Variants in MBD5 observed in about 807,000 individuals in gnomAD.
The protein encoded by MBD5 is methyl-CpG-binding domain protein 5.
Under a neutral mutation model 117.3 loss-of-function variants are expected in MBD5, and 13 were observed. The ratio of observed to expected loss-of-function variants is 0.11; its 90% CI spans 0.07 to 0.18. The LOEUF (loss-of-function observed/expected upper bound fraction) is 0.18. Ranked by LOEUF, MBD5 falls within the 10% of genes least tolerant of loss-of-function variation. MBD5 has a pLI of 1.00. For missense variants in MBD5, 1,879 were observed against 2,093.8 expected, an observed-to-expected ratio of 0.90 and a Z score of 2.00; for synonymous variants, 727 against 766.4, an observed-to-expected ratio of 0.95 and a Z score of 0.85.
At chr2:148,213,973 C>T (rs970002554) in intron 2 of MBD5, among the ~76,000 whole-genome samples, 1 of 152,134 alleles carries the variant, frequency 6.6e-6, no homozygotes, top group South Asian at 2.1e-4. Flanking sequence ...AAGTGATCAA[C>T]TGACTGAGTG....
chr2:148,408,306 G>A (rs1446454098), intron 4 of MBD5, among the ~76,000 whole-genome samples: 4 of 152,072 alleles, frequency 2.6e-5, no homozygotes, highest in African/African-American at 4.8e-5. Context: ...CGTTCCTGAA[G>A]CCTCCTAAGC....
At chr2:148,356,226 A>G (rs1703376930) in intron 4 of MBD5, among the ~76,000 whole-genome samples, 1 of 152,128 alleles carries the variant, frequency 6.6e-6, no homozygotes, top group African/African-American at 2.4e-5. Flanking sequence ...ATTCACTGAG[A>G]TGACAATTTA....
intron 3 of MBD5, among the ~76,000 whole-genome samples, chr2:148,290,198 C>G (rs1019059762): frequency 6.7e-6 from 1 of 148,206 alleles, no homozygotes; most frequent in African/African-American, 2.5e-5. Flanking sequence ...CCTCAGGTGA[C>G]CTACCTGCCT....
At chr2:148,030,952 T>C (rs768826265) in intron 1 of MBD5, among the ~76,000 whole-genome samples, 1 of 152,182 alleles carries the variant, frequency 6.6e-6, no homozygotes, top group Non-Finnish European at 1.5e-5. Flanking sequence ...TAATGTAGTT[T>C]TTAAATATTT....
rs1574498370 is a variant in MBD5 at position 148,503,093 on chromosome 2, A to G, written c.5036+584A>G. The stretch of plus-strand genomic sequence containing the variant: ...GTAGTACGGACAAGCAGATAATATT[A>G]GAAACATAGTTTTTACTGTGATACA... On this transcript the variant is annotated intron_variant, in intron 12 of 13. Coordinates refer to ENST00000642680, the MANE Select transcript of MBD5 (RefSeq NM_001378120.1). The G allele has an allele frequency of 6.9e-5, 11 of 160,134 alleles. 1 individual carries two copies. The South Asian group carries it at 1.9e-3, about 28-fold the overall frequency. The allele number at this position is 160,134 out of a possible 1,614,324, so 9.9% of individuals were successfully genotyped here.
chr2:148,117,399 G>A (rs1224321603), intron 1 of MBD5, among the ~76,000 whole-genome samples: 1 of 151,402 alleles, frequency 6.6e-6, no homozygotes, highest in Non-Finnish European at 1.5e-5. Context: ...TGGAAATTAT[G>A]TTTTCTCTAA....
chr2:148,043,485 A>AAATAAATAAATAAATG (rs1446837847), intron 1 of MBD5, among the ~76,000 whole-genome samples: 69 of 141,814 alleles, frequency 4.9e-4, no homozygotes, highest in African/African-American at 1.7e-3. Flanking sequence ...ATAAATAAAT[A>AAATAAATAAATAAATG]AAAGAATAGA....
chr2:148,376,067 CA>C (rs1703977451), intron 4 of MBD5, among the ~76,000 whole-genome samples: 2 of 150,734 alleles, frequency 1.3e-5, no homozygotes, highest in South Asian at 4.2e-4. Flanking sequence ...CAATAGCATA[CA>C]TACACATACT....
intron 4 of MBD5, among the ~76,000 whole-genome samples, chr2:148,424,879 C>A (rs57192354): frequency 0.25 from 38,244 of 152,036 alleles, 5,652 homozygotes; most frequent in African/African-American, 0.41. Context: ...GGACACATTT[C>A]AAGCAGTGTT....
intron 1 of MBD5, among the ~76,000 whole-genome samples, chr2:148,088,612 G>C (rs1407125301): frequency 6.6e-6 from 1 of 152,060 alleles, no homozygotes; most frequent in Non-Finnish European, 1.5e-5. Flanking sequence ...GCAAAACTAA[G>C]CTTCATAAAT....
At position 148,490,043 on chromosome 2, in the gene MBD5, C is replaced by T. The variant is rs1404712223; in HGVS notation, c.4411C>T (p.Pro1471Ser). ...HERPNNVSTL[P>S]FLPGEQHPIL... is the part of the protein sequence containing the mutation. ...AAGGCCCAACAATGTCTCTACACTG[C>T]CATTTCTGCCTGGGGAACAGCACCC... Residue 1471 changes from proline to serine, a missense_variant, in exon 11 of 14, where the codon CCA becomes TCA. By Grantham distance (74) the Pro-to-Ser change is moderately conservative. Transcript: ENST00000642680. The T allele has an allele frequency of 1.2e-6, 2 of 1,613,920 alleles. No individual in the cohort carries two copies. The highest frequency in any genetic ancestry group is 1.7e-5 in the Admixed American group (1 of 60,004).
chr2:148,204,381 G>C (rs772465906), intron 2 of MBD5, among the ~76,000 whole-genome samples: 9 of 152,000 alleles, frequency 5.9e-5, no homozygotes, highest in Non-Finnish European at 1.2e-4. Flanking sequence ...GACTGAGACA[G>C]AGAAAGACAC....
At chr2:148,311,819 C>T (rs1468980711) in intron 3 of MBD5, among the ~76,000 whole-genome samples, 1 of 152,194 alleles carries the variant, frequency 6.6e-6, no homozygotes, top group Non-Finnish European at 1.5e-5. Context: ...GTGCTTCCTT[C>T]AGGAGCTCTT....
At chr2:148,278,520 G>T (rs1176876390) in intron 3 of MBD5, among the ~76,000 whole-genome samples, 1 of 152,066 alleles carries the variant, frequency 6.6e-6, no homozygotes, top group Non-Finnish European at 1.5e-5. Flanking sequence ...TAATTTGTAT[G>T]TTTTTAAGTA....
At chr2:148,278,901 G>A (rs1370326434) in intron 3 of MBD5, among the ~76,000 whole-genome samples, 2 of 152,216 alleles carry the variant, frequency 1.3e-5, no homozygotes, top group Admixed American at 1.3e-4. Context: ...GAGTTCAAAG[G>A]TTGGAGAACC....
chr2:148,239,054 A>G (rs937507845), intron 3 of MBD5, among the ~76,000 whole-genome samples: 2 of 151,500 alleles, frequency 1.3e-5, no homozygotes, highest in Non-Finnish European at 2.9e-5. Flanking sequence ...GAGTGTGTAT[A>G]TATGTGTGTG....
chr2:148,130,767 A>G (rs979811863), intron 1 of MBD5, among the ~76,000 whole-genome samples: 1 of 152,194 alleles, frequency 6.6e-6, no homozygotes, highest in Non-Finnish European at 1.5e-5. Context: ...TTGGTTTGCT[A>G]TCCAGCTCTT....
intron 2 of MBD5, among the ~76,000 whole-genome samples, chr2:148,226,748 A>G (rs1699833403): frequency 6.6e-6 from 1 of 152,082 alleles, no homozygotes; most frequent in Admixed American, 6.5e-5. Context: ...AAGTGTTCCT[A>G]TTTCTCTACA....
chr2:148,471,289 AAT>A (rs1455304825), intron 8 of MBD5: 2 of 152,166 alleles, frequency 1.3e-5, no homozygotes, highest in Non-Finnish European at 2.9e-5. Flanking sequence ...TATTTTGTGC[AAT>A]AGAGTCCTCA....
Sources: gnomAD v4.1 joint callset for allele counts (sites outside exome capture counted in the v4.1 genomes callset) on GRCh38, gnomAD v4.1.1 for gene constraint, MANE v1.5 for transcripts, NCBI Gene and HGNC (gene_info 2026-07-23, HGNC 2026-07-21) for gene names.